The following SH2D4A variants were observed in gnomAD, a reference collection of about 807,000 sequenced individuals.
The protein encoded by SH2D4A is SH2 domain-containing protein 4A.
A neutral mutation model predicts 64.7 loss-of-function variants in SH2D4A; 70 were observed. The ratio of observed to expected loss-of-function variants is 1.08; its 90% CI spans 0.89 to 1.32. The LOEUF is 1.32. SH2D4A is among the 40% of genes most tolerant of loss of function. The pLI, the probability that SH2D4A is intolerant of heterozygous loss-of-function variation, is 0.00. For synonymous variants in SH2D4A, 268 were observed against 200.7 expected, an observed-to-expected ratio of 1.34 and a Z score of -2.83; for missense variants, 706 against 540.1, an observed-to-expected ratio of 1.31 and a Z score of -3.04.
At chr8:19,368,554 C>CAAGAATTTAA (rs1355810845) in intron 7 of SH2D4A, among the ~76,000 whole-genome samples, 1 of 149,980 alleles carries the variant, frequency 6.7e-6, no homozygotes, top group Non-Finnish European at 1.5e-5. Context: ...AGACATTTCA[C>CAAGAATTTAA]CTCCTTGGTT....
intron 7 of SH2D4A, among the ~76,000 whole-genome samples, chr8:19,370,880 A>G (rs980064844): frequency 1.3e-5 from 2 of 151,920 alleles, no homozygotes; most frequent in African/African-American, 4.8e-5. Flanking sequence ...TCTTTGGTGT[A>G]TCTGTTATAG....
intron 2 of SH2D4A, among the ~76,000 whole-genome samples, chr8:19,323,344 G>A (rs1370520266): frequency 2.0e-5 from 3 of 151,770 alleles, no homozygotes; most frequent in Non-Finnish European, 4.4e-5. Flanking sequence ...GTATATCTTG[G>A]GTAAAGTAAA....
rs777139116 is a variant in SH2D4A at position 19,319,656 on chromosome 8, C to T, written c.109C>T (p.Arg37Ter). The T allele has an allele frequency of 5.6e-6, 9 of 1,610,422 alleles. 1 individual carries two copies. Among genetic ancestry groups the T allele is most frequent in the South Asian group, 3.3e-5 (3 of 90,194 alleles). ...LFFKMREEQI[R>*]RWKEREAAME... ...CTTCAAGATGAGAGAGGAACAGATC[C>T]GACGATGGAAAGAAAGAGAAGCAGC... Residue 37 changes from arginine to a stop codon, truncating the protein, a stop_gained, in exon 2 of 10, where the codon CGA (arginine) becomes TGA (stop). Transcript: ENST00000265807. LOFTEE classifies it high-confidence loss of function.
intron 4 of SH2D4A, among the ~76,000 whole-genome samples, chr8:19,341,517 T>C (rs1375478222): frequency 6.6e-6 from 1 of 152,144 alleles, no homozygotes; most frequent in African/African-American, 2.4e-5. Flanking sequence ...TAAAGCTGTC[T>C]TGTTAGATTT....
At chr8:19,380,473 C>T (rs1295816987) in intron 8 of SH2D4A, among the ~76,000 whole-genome samples, 2 of 152,022 alleles carry the variant, frequency 1.3e-5, no homozygotes, top group Non-Finnish European at 2.9e-5. Flanking sequence ...AGATTTGGCC[C>T]TCTGTTTTCT....
chr8:19,367,412 T>C (rs1362829677), intron 7 of SH2D4A, among the ~76,000 whole-genome samples: 1 of 152,196 alleles, frequency 6.6e-6, no homozygotes, highest in African/African-American at 2.4e-5. Context: ...GCATTTGTTT[T>C]TGGTTTGTCT....
chr8:19,331,469 C>T (rs1183248759), intron 2 of SH2D4A, among the ~76,000 whole-genome samples: 3 of 152,174 alleles, frequency 2.0e-5, no homozygotes, highest in East Asian at 1.9e-4. Flanking sequence ...GTTGGCCTCT[C>T]CTAGGTACGC....
chr8:19,341,746 G>A (rs1274227563), intron 4 of SH2D4A, among the ~76,000 whole-genome samples: 2 of 151,850 alleles, frequency 1.3e-5, no homozygotes, highest in African/African-American at 2.4e-5. Flanking sequence ...GGGAGGCTGG[G>A]GTGGGAGATC....
chr8:19,321,672 T>C (rs1354159504), intron 2 of SH2D4A, among the ~76,000 whole-genome samples: 1 of 152,254 alleles, frequency 6.6e-6, no homozygotes, highest in Non-Finnish European at 1.5e-5. Context: ...CTTTCTAAAC[T>C]GGTTTATGCA....
intron 3 of SH2D4A, 57 bp from the exon 4 acceptor site, chr8:19,334,629 A>G: frequency 1.3e-6 from 2 of 1,528,746 alleles, no homozygotes; most frequent in East Asian, 2.3e-5. Flanking sequence ...TATGCTTTGG[A>G]AAGGCTCTTC....
At chr8:19,334,020 A>G (rs1389855548) in intron 3 of SH2D4A, among the ~76,000 whole-genome samples, 1 of 152,160 alleles carries the variant, frequency 6.6e-6, no homozygotes, top group Non-Finnish European at 1.5e-5. Context: ...GGGAAGTGAC[A>G]TCAACTGCAG....
intron 4 of SH2D4A, among the ~76,000 whole-genome samples, chr8:19,339,837 G>A (rs928438263): frequency 1.3e-5 from 2 of 152,090 alleles, no homozygotes; most frequent in African/African-American, 2.4e-5. Context: ...TATCGACAGT[G>A]AGGAGAGGAT....
chr8:19,371,416 C>T (rs1232431417), intron 7 of SH2D4A, among the ~76,000 whole-genome samples: 1 of 151,744 alleles, frequency 6.6e-6, no homozygotes, highest in Non-Finnish European at 1.5e-5. Context: ...TATACGGTTT[C>T]TTCTGAGAAG....
In SH2D4A at chr8:19,394,783, C is replaced by A. The variant is rs538801730; in HGVS notation, c.*141C>A. On this transcript the variant is annotated 3_prime_UTR_variant, in exon 10 of 10. Transcript: ENST00000265807. ...ACTGAAAGTAAAGTATCCATGGAGT[C>A]CTCATTGACACCTCTTTTCTGCACA... 6.5e-6 allele frequency: 3 copies of A among 461,308 alleles called. No homozygotes were observed. Among genetic ancestry groups the A allele is most frequent in the Admixed American group, 8.2e-5 (2 of 24,380 alleles). 28.6% of individuals were successfully genotyped at this position (461,308 alleles called of 1,614,324 possible). A position where few individuals can be genotyped will look rare whatever the true frequency, so the allele number is the denominator to read the frequency against.
chr8:19,369,631 AT>A (rs1014987399), intron 7 of SH2D4A, among the ~76,000 whole-genome samples: 2 of 152,016 alleles, frequency 1.3e-5, no homozygotes, highest in Non-Finnish European at 2.9e-5. Flanking sequence ...ACAGTTGTTG[AT>A]AATAGTCTCT....
chr8:19,361,418 A>T (rs2052885906), intron 6 of SH2D4A, 104 bp downstream of exon 6: 2 of 1,170,812 alleles, frequency 1.7e-6, no homozygotes, highest in African/African-American at 1.6e-5. Flanking sequence ...TTGTTGAGAG[A>T]TATGTTCACA....
intron 1 of SH2D4A, among the ~76,000 whole-genome samples, chr8:19,314,657 A>G (rs1417523635): frequency 1.3e-5 from 2 of 152,146 alleles, no homozygotes; most frequent in Non-Finnish European, 2.9e-5. Flanking sequence ...TCATCGCTCC[A>G]AAGGCTTTCG....
At chr8:19,385,421 G>C (rs1261135142) in intron 8 of SH2D4A, among the ~76,000 whole-genome samples, 1 of 152,064 alleles carries the variant, frequency 6.6e-6, no homozygotes, top group Non-Finnish European at 1.5e-5. Flanking sequence ...GGCTGGTCTT[G>C]AACTTCTGAC....
chr8:19,328,180 A>G (rs766053163), intron 2 of SH2D4A, among the ~76,000 whole-genome samples: 3 of 151,970 alleles, frequency 2.0e-5, no homozygotes, highest in Non-Finnish European at 4.4e-5. Context: ...CATTCTCTCT[A>G]TGAGCTCATC....
Sources: gnomAD v4.1 joint callset for allele counts (sites outside exome capture counted in the v4.1 genomes callset) on GRCh38, gnomAD v4.1.1 for gene constraint, MANE v1.5 for transcripts, NCBI Gene and HGNC (gene_info 2026-07-23, HGNC 2026-07-21) for gene names.